ARHGAP26: variants seen among roughly 807,000 people sequenced by gnomAD.
ARHGAP26 encodes Rho GTPase activating protein 26.
ARHGAP26 carries 38 observed loss-of-function variants against 104.8 expected under a neutral mutation model. The observed-to-expected ratio is 0.36, with a 90% CI of 0.28 to 0.48. ARHGAP26 has a LOEUF of 0.48. Ranked by LOEUF, ARHGAP26 falls within the 20% of genes least tolerant of loss-of-function variation. The pLI is 0.99. For missense variants in ARHGAP26, 704 were observed against 947.9 expected (o/e 0.74, Z 3.38); for synonymous variants, 341 against 340.0 (o/e 1.00, Z -0.03).
chr5:143,057,208 T>C (rs920222774), intron 16 of ARHGAP26, among the ~76,000 whole-genome samples: 1 of 152,220 alleles, frequency 6.6e-6, no homozygotes, highest in South Asian at 2.1e-4. Context: ...TTTGATGCTG[T>C]CTCAAGGTGT....
At chr5:143,049,866 G>A (rs1256905887) in intron 14 of ARHGAP26, among the ~76,000 whole-genome samples, 2 of 152,188 alleles carry the variant, frequency 1.3e-5, no homozygotes, top group Middle Eastern at 3.2e-3. Flanking sequence ...GAAGCATGCT[G>A]TGGTTCTTCC....
At chr5:143,190,063 G>A (rs1401952806) in intron 20 of ARHGAP26, among the ~76,000 whole-genome samples, 1 of 151,166 alleles carries the variant, frequency 6.6e-6, no homozygotes, top group Non-Finnish European at 1.5e-5. Flanking sequence ...TGGTTTCTGG[G>A]GTTCAGAATG....
chr5:142,909,782 C>T (rs1761584026), intron 9 of ARHGAP26, among the ~76,000 whole-genome samples: 1 of 152,200 alleles, frequency 6.6e-6, no homozygotes, highest in South Asian at 2.1e-4. Context: ...TAGTCCCTTC[C>T]CAATTCTTAG....
At chr5:143,085,044 C>CAAAAAAA (rs56852430) in intron 17 of ARHGAP26, among the ~76,000 whole-genome samples, 3 of 61,630 alleles carry the variant, frequency 4.9e-5, no homozygotes, top group Non-Finnish European at 7.2e-5. Flanking sequence ...GACTCCATCT[C>CAAAAAAA]AAAAAAAAAA....
chr5:143,062,677 C>A (rs1175194780), intron 17 of ARHGAP26, among the ~76,000 whole-genome samples: 1 of 152,052 alleles, frequency 6.6e-6, no homozygotes, highest in African/African-American at 2.4e-5. Flanking sequence ...AAAGTCTTGC[C>A]AGGCATTGGC....
intron 11 of ARHGAP26, among the ~76,000 whole-genome samples, chr5:142,990,040 G>A (rs1775360755): frequency 6.6e-6 from 1 of 152,076 alleles, no homozygotes; most frequent in Admixed American, 6.6e-5. Flanking sequence ...ATAATATCCT[G>A]CAGAGTGTTT....
intron 17 of ARHGAP26, among the ~76,000 whole-genome samples, chr5:143,082,507 A>G (rs1789973546): frequency 6.6e-6 from 1 of 152,244 alleles, no homozygotes; most frequent in Non-Finnish European, 1.5e-5. Context: ...GGTATCTACT[A>G]TCATTGCAGA....
intron 17 of ARHGAP26, chr5:143,103,149 T>C (rs1178812835): frequency 1.4e-6 from 1 of 698,556 alleles, no homozygotes; most frequent in African/African-American, 1.9e-5. Context: ...GCCTGGTATG[T>C]CGTCTTCTTT....
chr5:142,925,610 A>G (rs1282723081), intron 10 of ARHGAP26, among the ~76,000 whole-genome samples: 1 of 152,244 alleles, frequency 6.6e-6, no homozygotes, highest in East Asian at 1.9e-4. Flanking sequence ...TTAGAAACAA[A>G]GGACCACTTC....
chr5:142,929,992 A>T (rs544477481), intron 10 of ARHGAP26, among the ~76,000 whole-genome samples: 1 of 152,268 alleles, frequency 6.6e-6, no homozygotes, highest in African/African-American at 2.4e-5. Context: ...ACTCTGCATC[A>T]AGATCACCTG....
intron 1 of ARHGAP26, chr5:142,868,101 T>C (rs1164469820): frequency 6.6e-6 from 1 of 152,188 alleles, no homozygotes; most frequent in African/African-American, 2.4e-5. Flanking sequence ...TGAACAAATA[T>C]AAAATTGCTC....
intron 1 of ARHGAP26, among the ~76,000 whole-genome samples, chr5:142,845,505 T>C (rs1011928317): frequency 1.3e-5 from 2 of 152,194 alleles, no homozygotes; most frequent in Non-Finnish European, 2.9e-5. Flanking sequence ...CCTTTGCTGA[T>C]AAAGGAAATG....
intron 18 of ARHGAP26, among the ~76,000 whole-genome samples, chr5:143,123,228 A>G (rs1286447572): frequency 6.6e-6 from 1 of 152,228 alleles, no homozygotes; most frequent in African/African-American, 2.4e-5. Flanking sequence ...AGAACAGAAC[A>G]TGTACATTAC....
At position 143,210,555 on chromosome 5, in the gene ARHGAP26, T is replaced by G. The variant is rs922416255; in HGVS notation, c.2099+3247T>G. 4.6e-5 allele frequency among the ~76,000 whole-genome samples: 7 copies of G among 152,010 alleles called. No homozygotes were observed. In the East Asian group the frequency reaches 1.3e-3, roughly 29 times the overall value. The stretch of plus-strand genomic sequence containing the variant: ...TAGAGAAAGGGTGCTGGAGACACAT[T>G]CCCTCCGTATTTCCCTTTTCTTTCA... On this transcript the variant is annotated intron_variant, in intron 21 of 22. Transcript: ENST00000645722.
At chr5:143,162,069 G>C (rs1562531079) in intron 20 of ARHGAP26, among the ~76,000 whole-genome samples, 1 of 152,010 alleles carries the variant, frequency 6.6e-6, no homozygotes, top group Non-Finnish European at 1.5e-5. Flanking sequence ...GCGCAATGCT[G>C]CTGGAAGGTT....
chr5:142,918,068 G>A (rs1057219846), intron 10 of ARHGAP26, among the ~76,000 whole-genome samples: 7 of 152,036 alleles, frequency 4.6e-5, no homozygotes, highest in Non-Finnish European at 8.8e-5. Flanking sequence ...GTTAATCCAG[G>A]CCAATGGGAT....
intron 1 of ARHGAP26, among the ~76,000 whole-genome samples, chr5:142,870,779 A>G (rs1187099493): frequency 1.3e-5 from 2 of 151,412 alleles, no homozygotes; most frequent in South Asian, 2.1e-4. Flanking sequence ...TATCTGATCT[A>G]TGTTGGAGCT....
At chr5:142,995,863 G>A (rs1776304102) in intron 11 of ARHGAP26, among the ~76,000 whole-genome samples, 1 of 152,150 alleles carries the variant, frequency 6.6e-6, no homozygotes, top group Non-Finnish European at 1.5e-5. Context: ...TCCTTTGTAG[G>A]GACATGGTTG....
intron 12 of ARHGAP26, among the ~76,000 whole-genome samples, chr5:143,036,673 G>A (rs547436126): frequency 1.3e-5 from 2 of 152,122 alleles, no homozygotes; most frequent in South Asian, 4.1e-4. Context: ...TGCATCTTTG[G>A]TCAAGATACT....
Sources: allele counts gnomAD v4.1 joint callset (sites outside exome capture counted in the v4.1 genomes callset), GRCh38; gene constraint gnomAD v4.1.1; transcripts MANE v1.5; gene names NCBI Gene and HGNC (gene_info 2026-07-23, HGNC 2026-07-21).